SULF1: variants seen among roughly 807,000 people sequenced by gnomAD.
SULF1 encodes sulfatase 1, also known as extracellular sulfatase Sulf-1.
In SULF1, 46 loss-of-function variants were observed where a neutral mutation model predicts 110.5. The observed-to-expected ratio is 0.42, with a 90% CI of 0.33 to 0.53. The LOEUF (loss-of-function observed/expected upper bound fraction) is 0.53, where lower values mean the gene tolerates loss of function less well. Ranked by LOEUF, SULF1 falls within the 20% of genes least tolerant of loss-of-function variation. SULF1 has a pLI of 0.12. For synonymous variants in SULF1, 371 were observed against 387.1 expected, an observed-to-expected ratio of 0.96 and a Z score of 0.49; for missense variants, 941 against 1,094.2, an observed-to-expected ratio of 0.86 and a Z score of 1.98.
At chr8:69,480,590 C>T (rs953418162) in intron 1 of SULF1, among the ~76,000 whole-genome samples, 4 of 152,048 alleles carry the variant, frequency 2.6e-5, no homozygotes, top group Admixed American at 6.6e-5. Flanking sequence ...ATTGTATATA[C>T]AATTATGCAT....
At chr8:69,512,853 A>C (rs1246252991) in intron 3 of SULF1, among the ~76,000 whole-genome samples, 1 of 152,202 alleles carries the variant, frequency 6.6e-6, no homozygotes, top group African/African-American at 2.4e-5. Context: ...CATAGGCCAG[A>C]ATACCCTTGT....
At chr8:69,515,514 T>A (rs1811869435) in intron 3 of SULF1, among the ~76,000 whole-genome samples, 1 of 152,106 alleles carries the variant, frequency 6.6e-6, no homozygotes, top group Non-Finnish European at 1.5e-5. Context: ...GCCACAAAGG[T>A]CTCTGAAATG....
At chr8:69,477,266 C>T (rs905200570) in intron 1 of SULF1, among the ~76,000 whole-genome samples, 2 of 152,014 alleles carry the variant, frequency 1.3e-5, no homozygotes, top group African/African-American at 2.4e-5. Flanking sequence ...GGACAGAAAA[C>T]GGGGGGAAAA....
intron 3 of SULF1, among the ~76,000 whole-genome samples, chr8:69,525,852 A>G (rs1169727981): frequency 6.6e-6 from 1 of 152,154 alleles, no homozygotes; most frequent in African/African-American, 2.4e-5. Flanking sequence ...TGTGACTGCA[A>G]GTGACAGGCA....
intron 8 of SULF1, among the ~76,000 whole-genome samples, chr8:69,594,677 C>T (rs78189129): frequency 0.032 from 4,887 of 151,786 alleles, 95 homozygotes; most frequent in African/African-American, 0.058. Context: ...CGTGAAAGGA[C>T]GTGCTTTTGA....
At chr8:69,631,647 G>T (rs569437622) in intron 19 of SULF1, among the ~76,000 whole-genome samples, 1 of 152,378 alleles carries the variant, frequency 6.6e-6, no homozygotes, top group South Asian at 2.1e-4. Context: ...ATTGCCTCCT[G>T]TTCTTGCCTG....
At chr8:69,564,802 C>G (rs957916145) in intron 5 of SULF1, among the ~76,000 whole-genome samples, 26 of 152,208 alleles carry the variant, frequency 1.7e-4, no homozygotes, top group African/African-American at 6.3e-4. Context: ...TTCAATGGCC[C>G]AGCCCTACGG....
intron 3 of SULF1, among the ~76,000 whole-genome samples, chr8:69,537,922 G>GAA (rs11407232): frequency 5.8e-4 from 86 of 148,952 alleles, no homozygotes; most frequent in Non-Finnish European, 8.1e-4. Flanking sequence ...ATAGAAAATT[G>GAA]AAAAAAAAGT....
intron 13 of SULF1, among the ~76,000 whole-genome samples, chr8:69,617,619 GC>G (rs1235537859): frequency 6.6e-6 from 1 of 151,262 alleles, no homozygotes; most frequent in Non-Finnish European, 1.5e-5. Flanking sequence ...TAATTGGATA[GC>G]CATGAATGCT....
chr8:69,523,470 A>G (rs781554145), intron 3 of SULF1, among the ~76,000 whole-genome samples: 27 of 152,142 alleles, frequency 1.8e-4, no homozygotes, highest in Non-Finnish European at 3.4e-4. Flanking sequence ...TTTGAAGTTC[A>G]TGGCACTGAA....
chr8:69,538,683 T>C (rs1021771470), intron 3 of SULF1, among the ~76,000 whole-genome samples: 2 of 143,538 alleles, frequency 1.4e-5, no homozygotes, highest in African/African-American at 5.4e-5. Flanking sequence ...TTTAGCTTAT[T>C]TTCTTTTTTC....
chr8:69,472,347 TGATAAAGCAA>T (rs1403319175), intron 1 of SULF1, among the ~76,000 whole-genome samples: 1 of 152,152 alleles, frequency 6.6e-6, no homozygotes, highest in Admixed American at 6.5e-5. Context: ...CAGAAGTAAT[TGATAAAGCAA>T]GATACCATTT....
intron 11 of SULF1, 88 bp downstream of exon 11, chr8:69,603,408 G>T: frequency 5.0e-6 from 8 of 1,593,558 alleles, no homozygotes; most frequent in Non-Finnish European, 6.9e-6. Flanking sequence ...AAGACATGGA[G>T]GCAGAATATG....
chr8:69,468,847 G>A (rs961599065), intron 1 of SULF1, among the ~76,000 whole-genome samples: 2 of 152,172 alleles, frequency 1.3e-5, no homozygotes, highest in African/African-American at 4.8e-5. Context: ...TGGCATGATG[G>A]CATCTAACAG....
At position 69,589,770 on chromosome 8, in the gene SULF1, C is replaced by T. The variant is rs149928774; in HGVS notation, c.734+629C>T. On this transcript the variant is annotated intron_variant, in intron 8 of 22. Transcript: ENST00000402687. The stretch of plus-strand genomic sequence containing the variant: ...GGGATGAGACAGAACAAAGAGCTGT[C>T]GTGTGCCCACAATTCTCACCAGCCA... Among the ~76,000 whole-genome samples, 1,018 of 152,102 alleles carry T rather than the reference C, an allele frequency of 6.7e-3. 15 individuals carry two copies. Among genetic ancestry groups the T allele is most frequent in the African/African-American group, 0.023 (962 of 41,484 alleles).
At chr8:69,474,631 T>C (rs1165176923) in intron 1 of SULF1, among the ~76,000 whole-genome samples, 6 of 152,198 alleles carry the variant, frequency 3.9e-5, no homozygotes, top group Admixed American at 3.3e-4. Context: ...AATAAAAGCA[T>C]AGGACATGTA....
At chr8:69,492,187 A>G (rs989052000), upstream of SULF1, among the ~76,000 whole-genome samples, 3 of 151,916 alleles carry the variant, frequency 2.0e-5, no homozygotes, top group Non-Finnish European at 4.4e-5. Flanking sequence ...ATTTAAAGAA[A>G]ATATGAGTAG....
intron 13 of SULF1, among the ~76,000 whole-genome samples, chr8:69,614,602 A>G (rs1182500335): frequency 6.6e-6 from 1 of 152,234 alleles, no homozygotes; most frequent in Non-Finnish European, 1.5e-5. Flanking sequence ...CTCATACCAA[A>G]ATTGCCAGCC....
chr8:69,524,211 T>C (rs190112379), intron 3 of SULF1, among the ~76,000 whole-genome samples: 1 of 152,164 alleles, frequency 6.6e-6, no homozygotes, highest in African/African-American at 2.4e-5. Context: ...GATTTTGGCA[T>C]GACACTGATT....
Sources: allele counts gnomAD v4.1 joint callset (sites outside exome capture counted in the v4.1 genomes callset), GRCh38; gene constraint gnomAD v4.1.1; transcripts MANE v1.5; gene names NCBI Gene and HGNC (gene_info 2026-07-23, HGNC 2026-07-21).